Variants in CYP7B1 observed in about 807,000 individuals in gnomAD.
The protein encoded by CYP7B1 is cytochrome P450 7B1.
Under a neutral mutation model 42.7 loss-of-function variants are expected in CYP7B1, and 29 were observed. The observed-to-expected ratio is 0.68, with a 90% CI of 0.51 to 0.93. The LOEUF is 0.93. Ranked by LOEUF, CYP7B1 falls within the 40% of genes least tolerant of loss-of-function variation. The pLI is 0.00. For missense variants in CYP7B1, 655 were observed against 600.5 expected (o/e 1.09, Z -0.95); for synonymous variants, 235 against 218.2 (o/e 1.08, Z -0.68).
At chr8:64,751,065 T>C (rs543171668) in intron 1 of CYP7B1, among the ~76,000 whole-genome samples, 1 of 152,302 alleles carries the variant, frequency 6.6e-6, no homozygotes, top group African/African-American at 2.4e-5. Context: ...AGATGTGCCT[T>C]TATACTGGGT....
intron 1 of CYP7B1, among the ~76,000 whole-genome samples, chr8:64,675,739 C>A (rs144945147): frequency 6.6e-6 from 1 of 152,156 alleles, no homozygotes; most frequent in East Asian, 1.9e-4. Flanking sequence ...GAACTGGGAG[C>A]GTGGTTGTTT....
rs940528443 is a variant in CYP7B1 at position 64,647,514 on chromosome 8, C to T, written c.123-22975G>A. Among the ~76,000 whole-genome samples, 5 of 152,030 alleles carry T rather than the reference C, an allele frequency of 3.3e-5. No individual in the cohort carries two copies. In the South Asian group the frequency reaches 6.2e-4, roughly 19 times the overall value. On this transcript the variant is annotated intron_variant, in intron 1 of 5. Coordinates refer to ENST00000310193, the MANE Select transcript of CYP7B1 (RefSeq NM_004820.5). ...TTATTTATTATGAGGAATTGCCTCA[C>T]GTGGTTATGAAGGTTGGTAAGTCTC...
At chr8:64,657,817 A>G (rs1432857730) in intron 1 of CYP7B1, among the ~76,000 whole-genome samples, 1 of 152,220 alleles carries the variant, frequency 6.6e-6, no homozygotes, top group Non-Finnish European at 1.5e-5. Flanking sequence ...GAGGATGACA[A>G]AAATAACAGT....
chr8:64,627,800 A>C (rs1436453249), intron 1 of CYP7B1, among the ~76,000 whole-genome samples: 3 of 152,198 alleles, frequency 2.0e-5, no homozygotes, highest in African/African-American at 7.2e-5. Context: ...GCATATTTTC[A>C]GGAAAAAATA....
intron 1 of CYP7B1, among the ~76,000 whole-genome samples, chr8:64,742,678 C>G (rs1190570368): frequency 6.6e-6 from 1 of 152,130 alleles, no homozygotes; most frequent in African/African-American, 2.4e-5. Flanking sequence ...CAAGACCTGG[C>G]TCCTTGGCTT....
In CYP7B1 at chr8:64,615,575, A is replaced by G. The variant is rs1245252802; in HGVS notation, c.850+116T>C. 9 of 1,008,090 alleles carry G rather than the reference A, an allele frequency of 8.9e-6. No homozygotes were observed. In the East Asian group the frequency reaches 1.9e-4, roughly 22 times the overall value. The allele number at this position is 1,008,090 out of a possible 1,614,324, so 62.4% of individuals were successfully genotyped here. ...TTATATCAGAGTAAAACATTTTATC[A>G]TTAGCCAATTAGAAAGAGCATAAAA... On this transcript the variant is annotated intron_variant, in intron 3 of 5. Coordinates refer to ENST00000310193, the MANE Select transcript of CYP7B1 (RefSeq NM_004820.5).
At chr8:64,602,519 G>A (rs1257797534) in intron 5 of CYP7B1, among the ~76,000 whole-genome samples, 1 of 152,200 alleles carries the variant, frequency 6.6e-6, no homozygotes, top group Non-Finnish European at 1.5e-5. Context: ...TGAGGCTCTT[G>A]TCTCTCTGTC....
rs141048331 is a variant in CYP7B1, at chr8:64,601,605, A to G, written c.1233+3077T>C. Reference sequence around the variant, plus strand: ...TAAGCAACCAATATTCAGGGAAATAATAATTCTTAATATAGAGGTTGCATG... The same window carrying G: ...TAAGCAACCAATATTCAGGGAAATAGTAATTCTTAATATAGAGGTTGCATG... On this transcript the variant is annotated intron_variant, in intron 5 of 5. Transcript: ENST00000310193. 3.0e-3 allele frequency among the ~76,000 whole-genome samples: 464 copies of G among 152,332 alleles called. 4 individuals carry two copies. Among genetic ancestry groups the G allele is most frequent in the African/African-American group, 9.1e-3 (377 of 41,578 alleles).
intron 1 of CYP7B1, among the ~76,000 whole-genome samples, chr8:64,755,016 C>G (rs1307354044): frequency 1.3e-5 from 2 of 152,080 alleles, no homozygotes; most frequent in Admixed American, 1.3e-4. Flanking sequence ...CAAGTTCCAC[C>G]AGCAACTTTG....
chr8:64,705,229 T>TG (rs35742128), intron 1 of CYP7B1, among the ~76,000 whole-genome samples: 28,874 of 149,870 alleles, frequency 0.19, 2,932 homozygotes, highest in African/African-American at 0.24. Flanking sequence ...TTCAAAAAGG[T>TG]GGGGGGGGGA....
In CYP7B1 at chr8:64,622,131, A is replaced by C. The variant is rs112777885; in HGVS notation, c.259+2272T>G. Among the ~76,000 whole-genome samples, 543 of 151,598 alleles carry C rather than the reference A, an allele frequency of 3.6e-3. 8 individuals are homozygous for C. The highest frequency in any genetic ancestry group is 0.012 in the African/African-American group (482 of 41,038). ...ATACTGCATTAAAATACATTATTTGAATAATAATGCATAAAATGCATTATT... is the reference window on the plus strand; with the variant it reads ...ATACTGCATTAAAATACATTATTTGCATAATAATGCATAAAATGCATTATT... On this transcript the variant is annotated intron_variant, in intron 2 of 5. Coordinates refer to ENST00000310193, the MANE Select transcript of CYP7B1 (RefSeq NM_004820.5).
chr8:64,646,947 G>T (rs1805962847), intron 1 of CYP7B1, among the ~76,000 whole-genome samples: 1 of 152,206 alleles, frequency 6.6e-6, no homozygotes, highest in African/African-American at 2.4e-5. Context: ...GCTAACTGGT[G>T]CAAGAGGCCT....
intron 1 of CYP7B1, 56 bp downstream of exon 1, chr8:64,798,410 G>A (rs1804742099): frequency 6.9e-7 from 1 of 1,443,044 alleles, no homozygotes; most frequent in Non-Finnish European, 9.0e-7. Context: ...CATCTGGGTC[G>A]CGCGCGGCCC....
intron 1 of CYP7B1, chr8:64,732,961 T>C (rs938975184): frequency 1.1e-4 from 17 of 152,200 alleles, no homozygotes; most frequent in African/African-American, 4.1e-4. Context: ...GTCAATTAAA[T>C]CTCTTTGGAA....
chr8:64,656,518 T>G (rs571265941), intron 1 of CYP7B1, among the ~76,000 whole-genome samples: 141 of 152,342 alleles, frequency 9.3e-4, no homozygotes, highest in African/African-American at 3.3e-3. Context: ...TGCTGCCTCC[T>G]GCAGAAAGCC....
intron 1 of CYP7B1, among the ~76,000 whole-genome samples, chr8:64,784,664 G>A (rs1804491851): frequency 6.6e-6 from 1 of 152,138 alleles, no homozygotes; most frequent in South Asian, 2.1e-4. Flanking sequence ...AGGAATGTTT[G>A]ATGCTCTTGC....
intron 2 of CYP7B1, among the ~76,000 whole-genome samples, chr8:64,623,261 T>C (rs958944070): frequency 6.6e-6 from 1 of 152,174 alleles, no homozygotes; most frequent in Non-Finnish European, 1.5e-5. Context: ...GTCTAACTAA[T>C]AGGATGTGGT....
chr8:64,701,074 G>T (rs1806909237), intron 1 of CYP7B1, among the ~76,000 whole-genome samples: 1 of 152,144 alleles, frequency 6.6e-6, no homozygotes, highest in South Asian at 2.1e-4. Context: ...TTGTCCCCCT[G>T]AGGAACACGG....
In CYP7B1 at chr8:64,615,832, T is replaced by C. The variant is rs1279854696; in HGVS notation, c.709A>G (p.Asn237Asp). 1 of 1,613,766 alleles carries C rather than the reference T, an allele frequency of 6.2e-7. No individual in the cohort carries two copies. Among genetic ancestry groups the C allele is most frequent in the Non-Finnish European group, 8.5e-7 (1 of 1,179,762 alleles). The change falls in exon 3 of 6, where the codon AAT becomes GAT. Residue 237 changes from asparagine to aspartate, a missense_variant. By Grantham distance (23) the Asn-to-Asp change is conservative. Transcript: ENST00000310193. Reference sequence around the variant, plus strand: ...ATTTTCTCTCTAATAGACTTGACATTTCCTAGAAGCTCAATGGGTATGTTG... The same window carrying C: ...ATTTTCTCTCTAATAGACTTGACATCTCCTAGAAGCTCAATGGGTATGTTG... The part of the protein sequence containing the change: ...VSNIPIELLG[N>D]VKSIREKIIK...
Sources: allele counts gnomAD v4.1 joint callset (sites outside exome capture counted in the v4.1 genomes callset), GRCh38; gene constraint gnomAD v4.1.1; transcripts MANE v1.5; gene names NCBI Gene and HGNC (gene_info 2026-07-23, HGNC 2026-07-21).